PTPRM: variants seen among roughly 807,000 people sequenced by gnomAD.
The protein encoded by PTPRM is receptor-type tyrosine-protein phosphatase mu.
Under a neutral mutation model 186.7 loss-of-function variants are expected in PTPRM, and 47 were observed. The observed-to-expected ratio is 0.25, with a 90% CI of 0.20 to 0.32. The LOEUF is 0.32. Among genes scored for constraint, PTPRM ranks in the 10% least tolerant of loss-of-function variants. The pLI, the probability that PTPRM is intolerant of heterozygous loss-of-function variation, is 1.00. For missense variants in PTPRM, 1,494 were observed against 1,865.0 expected, an observed-to-expected ratio of 0.80 and a Z score of 3.66; for synonymous variants, 668 against 674.9, an observed-to-expected ratio of 0.99 and a Z score of 0.16.
At chr18:7,745,242 A>G (rs1048762214) in intron 1 of PTPRM, among the ~76,000 whole-genome samples, 7 of 152,192 alleles carry the variant, frequency 4.6e-5, no homozygotes, top group Non-Finnish European at 7.4e-5. Context: ...CCCTTTTGCT[A>G]AGAACAATCA....
chr18:7,936,541 A>T (rs1483918330), intron 5 of PTPRM, among the ~76,000 whole-genome samples: 2 of 152,138 alleles, frequency 1.3e-5, no homozygotes, highest in Non-Finnish European at 2.9e-5. Flanking sequence ...ACTGACAAGC[A>T]TGGGAGGAAG....
intron 19 of PTPRM, among the ~76,000 whole-genome samples, chr18:8,284,186 A>G (rs1291959378): frequency 6.6e-6 from 1 of 152,160 alleles, no homozygotes; most frequent in African/African-American, 2.4e-5. Flanking sequence ...ACTTTCATTT[A>G]CTTTCAACTC....
At chr18:7,910,855 T>C (rs1252608749) in intron 4 of PTPRM, among the ~76,000 whole-genome samples, 1 of 152,112 alleles carries the variant, frequency 6.6e-6, no homozygotes, top group African/African-American at 2.4e-5. Context: ...AGTTGGGATT[T>C]TCCTTTTGAT....
chr18:8,040,019 A>T (rs541135643), intron 7 of PTPRM, among the ~76,000 whole-genome samples: 2 of 152,336 alleles, frequency 1.3e-5, no homozygotes, highest in Admixed American at 1.3e-4. Context: ...ACGGTTAGAC[A>T]TTTCAAATAT....
intron 14 of PTPRM, among the ~76,000 whole-genome samples, chr18:8,168,229 T>G (rs2093350816): frequency 1.3e-5 from 2 of 152,326 alleles, no homozygotes; most frequent in East Asian, 3.9e-4. Context: ...TACATAAATT[T>G]GACAAGGACG....
At chr18:8,100,144 G>T (rs2091223524) in intron 11 of PTPRM, among the ~76,000 whole-genome samples, 2 of 151,966 alleles carry the variant, frequency 1.3e-5, no homozygotes, top group African/African-American at 2.4e-5. Flanking sequence ...GTGTGTGTGT[G>T]TGTGTATGTG....
intron 14 of PTPRM, among the ~76,000 whole-genome samples, chr18:8,166,265 A>G (rs553137107): frequency 6.6e-6 from 1 of 152,264 alleles, no homozygotes; most frequent in East Asian, 1.9e-4. Flanking sequence ...GAGGCAAGGA[A>G]CAAGTCATAC....
intron 1 of PTPRM, among the ~76,000 whole-genome samples, chr18:7,633,735 A>T (rs2038245159): frequency 6.6e-6 from 1 of 152,162 alleles, no homozygotes; most frequent in Non-Finnish European, 1.5e-5. Context: ...AAAGGACAGC[A>T]TCTTTTGTCT....
At chr18:8,293,544 T>A (rs2095063184) in intron 19 of PTPRM, among the ~76,000 whole-genome samples, 1 of 152,072 alleles carries the variant, frequency 6.6e-6, no homozygotes, top group Non-Finnish European at 1.5e-5. Context: ...AAAAACAAAA[T>A]CTGAGAACTT....
intron 1 of PTPRM, among the ~76,000 whole-genome samples, chr18:7,768,988 T>C (rs931068572): frequency 6.6e-6 from 1 of 152,088 alleles, no homozygotes; most frequent in African/African-American, 2.4e-5. Context: ...TAATCTAGAA[T>C]GCACTGGGCT....
At chr18:8,291,143 C>G (rs1346268523) in intron 19 of PTPRM, among the ~76,000 whole-genome samples, 1 of 152,140 alleles carries the variant, frequency 6.6e-6, no homozygotes, top group African/African-American at 2.4e-5. Context: ...CCCTCCTGCT[C>G]TCTCTCATTG....
chr18:7,983,462 GAGT>G (rs1380695329), intron 7 of PTPRM, among the ~76,000 whole-genome samples: 1 of 152,150 alleles, frequency 6.6e-6, no homozygotes. Context: ...TCACCAGACA[GAGT>G]CTTTGCCCTG....
At chr18:7,596,108 G>A (rs1295824257) in intron 1 of PTPRM, among the ~76,000 whole-genome samples, 1 of 152,178 alleles carries the variant, frequency 6.6e-6, no homozygotes. Flanking sequence ...ACCCCAGTCT[G>A]AAGCTACTAC....
At chr18:8,000,313 A>G (rs971284071) in intron 7 of PTPRM, among the ~76,000 whole-genome samples, 2 of 152,214 alleles carry the variant, frequency 1.3e-5, no homozygotes, top group African/African-American at 2.4e-5. Flanking sequence ...ATTTAGGCAA[A>G]AGTCCATAGT....
rs1207520933 is a variant in PTPRM at position 7,624,370 on chromosome 18, C to T, written c.73+56479C>T. ...GTTATCTAGTTTGAAATCAGTTAGC[C>T]TCTACTGAACTATGAGGATGGCAGT... On this transcript the variant is annotated intron_variant, in intron 1 of 32. Transcript: ENST00000580170. Among the ~76,000 whole-genome samples, 6 of 152,256 alleles carry T rather than the reference C, an allele frequency of 3.9e-5. No homozygotes were observed. In the East Asian group the frequency reaches 1.2e-3, roughly 29 times the overall value.
intron 3 of PTPRM, among the ~76,000 whole-genome samples, chr18:7,906,172 G>A (rs1227121257): frequency 3.3e-5 from 5 of 152,198 alleles, no homozygotes; most frequent in South Asian, 2.1e-4. Flanking sequence ...ACAAGTTGCC[G>A]TCTGTGCCAA....
chr18:7,608,243 A>G (rs1273674998), intron 1 of PTPRM, among the ~76,000 whole-genome samples: 3 of 152,192 alleles, frequency 2.0e-5, no homozygotes, highest in Non-Finnish European at 4.4e-5. Context: ...TGGAGATACA[A>G]AGAATACTTT....
chr18:7,747,305 TTGTC>T, intron 1 of PTPRM, among the ~76,000 whole-genome samples: 1 of 152,284 alleles, frequency 6.6e-6, no homozygotes, highest in South Asian at 2.1e-4. Context: ...CATGGCTTGT[TTGTC>T]TGTCCACACT....
chr18:7,582,303 A>C (rs989922760), intron 1 of PTPRM, among the ~76,000 whole-genome samples: 1 of 152,120 alleles, frequency 6.6e-6, no homozygotes, highest in African/African-American at 2.4e-5. Context: ...AGCTTTCTTG[A>C]AATTTTGCTG....
Sources: gnomAD v4.1 joint callset for allele counts (sites outside exome capture counted in the v4.1 genomes callset) on GRCh38, gnomAD v4.1.1 for gene constraint, MANE v1.5 for transcripts, NCBI Gene and HGNC (gene_info 2026-07-23, HGNC 2026-07-21) for gene names.